Variants in GPC5 observed in about 807,000 individuals in gnomAD.
GPC5 encodes glypican-5.
A neutral mutation model predicts 53.9 loss-of-function variants in GPC5; 47 were observed. The observed-to-expected ratio is 0.87, with a 90% CI of 0.69 to 1.11. The LOEUF (loss-of-function observed/expected upper bound fraction) is 1.11, where lower values mean the gene tolerates loss of function less well. GPC5 is among the 50% of genes most tolerant of loss of function. The pLI is 0.00. For missense variants in GPC5, 748 were observed against 713.1 expected (o/e 1.05, Z -0.56); for synonymous variants, 286 against 263.3 (o/e 1.09, Z -0.84).
intron 7 of GPC5, among the ~76,000 whole-genome samples, chr13:92,556,393 A>C (rs1390266248): frequency 6.6e-6 from 1 of 151,744 alleles, no homozygotes; most frequent in Non-Finnish European, 1.5e-5. Flanking sequence ...CTAGAGTACT[A>C]GTCTTTTCTA....
Position 91,675,171 on chromosome 13 carries a change from A to T in GPC5, c.326-18016A>T, listed in dbSNP as rs866774390. On this transcript the variant is annotated intron_variant, in intron 2 of 7. Coordinates refer to ENST00000377067, the MANE Select transcript of GPC5 (RefSeq NM_004466.6). ...AAAAAAAAACTCAGGGGAAAAAAAA[A>T]CCTATTGGGTATATGGGAGATGAAA... Among the ~76,000 whole-genome samples the T allele has an allele frequency of 5.3e-5, 8 of 152,166 alleles. No individual in the cohort carries two copies. In the Middle Eastern group the frequency reaches 0.024, roughly 456 times the overall value.
intron 2 of GPC5, among the ~76,000 whole-genome samples, chr13:91,518,047 A>G (rs1033087569): frequency 2.6e-5 from 4 of 152,242 alleles, no homozygotes; most frequent in African/African-American, 9.6e-5. Flanking sequence ...GCAAAATGAT[A>G]TAGTGGTGGA....
At chr13:91,971,984 G>A (rs1402743998) in intron 6 of GPC5, among the ~76,000 whole-genome samples, 27 of 152,262 alleles carry the variant, frequency 1.8e-4, no homozygotes, top group South Asian at 2.1e-4. Flanking sequence ...TATTAGGTCT[G>A]CTTGGTGCAG....
intron 7 of GPC5, among the ~76,000 whole-genome samples, chr13:92,725,862 C>A (rs1285965717): frequency 6.6e-6 from 1 of 151,490 alleles, no homozygotes; most frequent in East Asian, 1.9e-4. Flanking sequence ...TAGAACATGA[C>A]TTGCTATTGA....
chr13:92,225,965 A>G (rs1234129431), intron 7 of GPC5, among the ~76,000 whole-genome samples: 1 of 152,106 alleles, frequency 6.6e-6, no homozygotes, highest in Non-Finnish European at 1.5e-5. Flanking sequence ...TCTTATCTTG[A>G]ATTCTAAACC....
At chr13:92,324,654 C>T (rs1007098921) in intron 7 of GPC5, among the ~76,000 whole-genome samples, 8 of 104,898 alleles carry the variant, frequency 7.6e-5, no homozygotes, top group Non-Finnish European at 1.3e-4. Flanking sequence ...TATGGCATAT[C>T]ATTGGTACAG....
At position 91,899,356 on chromosome 13, in the gene GPC5, G is replaced by T. The variant is rs575795218; in HGVS notation, c.1281-8581G>T. ...TTTTCTTGTGGCCAACTGAATTAGA[G>T]TAAAAACATAAAAGTTAAAAACCAA... is the stretch of plus-strand genomic sequence containing the variant. On this transcript the variant is annotated intron_variant, in intron 5 of 7. Coordinates refer to ENST00000377067, the MANE Select transcript of GPC5 (RefSeq NM_004466.6). 4.6e-5 allele frequency among the ~76,000 whole-genome samples: 7 copies of T among 152,148 alleles called. No individual in the cohort carries two copies. The South Asian group carries it at 1.5e-3, about 32-fold the overall frequency.
At chr13:91,977,362 TG>T (rs1005684975) in intron 6 of GPC5, among the ~76,000 whole-genome samples, 20 of 152,170 alleles carry the variant, frequency 1.3e-4, no homozygotes, top group Non-Finnish European at 2.4e-4. Context: ...TTCCTTAATG[TG>T]GGGAAAAGGA....
At chr13:91,846,250 A>G (rs1566300365) in intron 5 of GPC5, among the ~76,000 whole-genome samples, 1 of 152,002 alleles carries the variant, frequency 6.6e-6, no homozygotes, top group Non-Finnish European at 1.5e-5. Flanking sequence ...AGTCATATTG[A>G]TTTTACAACT....
chr13:92,723,844 A>G (rs1487685954), intron 7 of GPC5, among the ~76,000 whole-genome samples: 1 of 151,652 alleles, frequency 6.6e-6, no homozygotes, highest in Non-Finnish European at 1.5e-5. Context: ...ATATAATTCT[A>G]TCATATGCTG....
At chr13:91,530,847 C>T (rs1018337168) in intron 2 of GPC5, among the ~76,000 whole-genome samples, 3 of 152,006 alleles carry the variant, frequency 2.0e-5, no homozygotes, top group East Asian at 1.9e-4. Context: ...TGACTATAAC[C>T]CCCAATTTGG....
chr13:91,780,855 G>A (rs553585709), intron 5 of GPC5, among the ~76,000 whole-genome samples: 19 of 152,222 alleles, frequency 1.2e-4, no homozygotes, highest in South Asian at 4.1e-4. Context: ...TAATAACTTC[G>A]TTTTTCTTGA....
chr13:92,701,676 T>C (rs1887747017), intron 7 of GPC5, among the ~76,000 whole-genome samples: 1 of 152,106 alleles, frequency 6.6e-6, no homozygotes, highest in African/African-American at 2.4e-5. Context: ...AAATTCTCTT[T>C]AGTGCAATAT....
In GPC5 at chr13:91,488,668, G is replaced by A. The variant is rs572127503; in HGVS notation, c.325+39746G>A. 1.7e-3 allele frequency among the ~76,000 whole-genome samples: 255 copies of A among 152,222 alleles called. 3 individuals are homozygous for A. The South Asian group carries it at 0.028, about 17-fold the overall frequency. ...TCTCTTAATCCTGTCATCTTCGTAA[G>A]CTGAGGAGGATGTCTGTCATCTCAG... On this transcript the variant is annotated intron_variant, in intron 2 of 7. Coordinates refer to ENST00000377067, the MANE Select transcript of GPC5 (RefSeq NM_004466.6).
chr13:91,416,721 G>A (rs1878257852), intron 1 of GPC5, among the ~76,000 whole-genome samples: 1 of 151,970 alleles, frequency 6.6e-6, no homozygotes, highest in Admixed American at 6.6e-5. Context: ...CTGTCCTTGT[G>A]ATAGTTTGCT....
At chr13:91,793,004 C>T (rs928302998) in intron 5 of GPC5, among the ~76,000 whole-genome samples, 3 of 152,106 alleles carry the variant, frequency 2.0e-5, no homozygotes, top group Admixed American at 1.3e-4. Context: ...CCCTTCAAGT[C>T]GTTCCATTGA....
chr13:92,481,705 C>A (rs1182153082), intron 7 of GPC5, among the ~76,000 whole-genome samples: 1 of 152,056 alleles, frequency 6.6e-6, no homozygotes. Flanking sequence ...GGATCATTTC[C>A]TTTCTTTTCT....
At chr13:92,787,751 C>CTT (rs995774976) in intron 7 of GPC5, among the ~76,000 whole-genome samples, 17 of 145,264 alleles carry the variant, frequency 1.2e-4, no homozygotes, top group African/African-American at 4.1e-4. Flanking sequence ...GTGACACATA[C>CTT]TTATAGTCCC....
intron 2 of GPC5, among the ~76,000 whole-genome samples, chr13:91,665,962 A>G (rs1399115363): frequency 1.3e-5 from 2 of 152,222 alleles, no homozygotes; most frequent in Non-Finnish European, 1.5e-5. Context: ...TTTCAGTGCC[A>G]TCTCATTCTC....
Sources: allele counts gnomAD v4.1 joint callset (sites outside exome capture counted in the v4.1 genomes callset), GRCh38; gene constraint gnomAD v4.1.1; transcripts MANE v1.5; gene names NCBI Gene and HGNC (gene_info 2026-07-23, HGNC 2026-07-21).